AGO4: variants seen among roughly 807,000 people sequenced by gnomAD.
AGO4 encodes protein argonaute-4.
AGO4 carries 33 observed loss-of-function variants against 104.7 expected under a neutral mutation model. That is an observed-to-expected ratio of 0.32 (90% CI 0.24 to 0.42). The LOEUF is 0.42. Ranked by LOEUF, AGO4 falls within the 10% of genes least tolerant of loss-of-function variation. The pLI is 1.00. For missense variants in AGO4, 711 were observed against 1,083.4 expected, an observed-to-expected ratio of 0.66 and a Z score of 4.83; for synonymous variants, 331 against 364.7, an observed-to-expected ratio of 0.91 and a Z score of 1.05.
intron 15 of AGO4, among the ~76,000 whole-genome samples, chr1:35,849,141 C>G (rs911583256): frequency 3.2e-4 from 48 of 152,116 alleles, no homozygotes; most frequent in African/African-American, 1.1e-3. Flanking sequence ...TCTGAAGTTC[C>G]CCTCTTGCCT....
chr1:35,826,865 T>A, intron 7 of AGO4, 30 bp downstream of exon 7: 1 of 1,601,200 alleles, frequency 6.2e-7, no homozygotes, highest in East Asian at 2.2e-5. Context: ...AGTAATACAA[T>A]TACATTTTTA....
chr1:35,841,293 G>C lies in AGO4; in HGVS notation c.1853G>C (p.Cys618Ser). 1 of 1,614,180 alleles carries C rather than the reference G, an allele frequency of 6.2e-7. No homozygotes were observed. ...GSMDGHPSRY[C>S]ATVRVQTSRQ... ...ATGGATGGCCACCCCAGCCGGTACTGTGCCACCGTTCGGGTGCAGACTTCC... is the reference window on the plus strand; with the variant it reads ...ATGGATGGCCACCCCAGCCGGTACTCTGCCACCGTTCGGGTGCAGACTTCC... Residue 618 changes from cysteine (C) to serine (S), a missense_variant, in exon 14 of 18, where the codon TGT (cysteine) becomes TCT (serine). Transcript: ENST00000373210. This position sits in a 1 kb window ranked among gnomAD's most constrained non-coding sequence, Gnocchi z 4.7.
chr1:35,809,866 A>G (rs981510340), intron 1 of AGO4, among the ~76,000 whole-genome samples: 2 of 152,242 alleles, frequency 1.3e-5, no homozygotes, highest in African/African-American at 2.4e-5. Context: ...ACTAGTGCCT[A>G]TAGATGCTCA....
In AGO4 at chr1:35,808,434, C is replaced by T. The variant is rs1262645041; in HGVS notation, c.18C>T (p.Pro6=). ...CCGCCGCCATGGAGGCGCTGGGACC[C>T]GGTGAGGAGCGAGCTCGGGTCGGGG... MEALG[P]GPPASLFQPP... Residue 6 remains proline, a splice_region_variant and synonymous_variant, in exon 1 of 18, where the codon CCC becomes CCT. Coordinates refer to ENST00000373210, the MANE Select transcript of AGO4 (RefSeq NM_017629.4). The surrounding 1 kb of genome is among the most constrained non-coding windows in gnomAD (Gnocchi z 5.2). 27 of 1,174,926 alleles carry T rather than the reference C, an allele frequency of 2.3e-5. No individual in the cohort carries two copies. 72.8% of individuals were successfully genotyped at this position (1,174,926 alleles called of 1,614,324 possible). A position where few individuals can be genotyped will look rare whatever the true frequency, so the allele number is the denominator to read the frequency against.
At chr1:35,822,810 T>A (rs1643915647) in intron 2 of AGO4, 52 bp from the exon 3 acceptor site, 1 of 1,605,840 alleles carries the variant, frequency 6.2e-7, no homozygotes, top group Non-Finnish European at 8.5e-7. Flanking sequence ...ATGCTTTTCT[T>A]ACTGTTCACC....
chr1:35,850,022 C>T (rs1644662750), intron 15 of AGO4, 135 bp from the exon 16 acceptor site: 1 of 602,112 alleles, frequency 1.7e-6, no homozygotes, highest in African/African-American at 1.9e-5. Context: ...GAGGATTCAA[C>T]ATCTTGAATG....
At chr1:35,826,200 C>T (rs1644017347) in intron 6 of AGO4, 140 bp downstream of exon 6, 2 of 965,984 alleles carry the variant, frequency 2.1e-6, no homozygotes. Flanking sequence ...GTTCCTTAAC[C>T]ACTGTGAACC....
At chr1:35,845,960 T>C (rs1475124913) in intron 15 of AGO4, among the ~76,000 whole-genome samples, 1 of 152,160 alleles carries the variant, frequency 6.6e-6, no homozygotes, top group African/African-American at 2.4e-5. Flanking sequence ...AAAAGATACA[T>C]GACAAGCCAT....
intron 2 of AGO4, among the ~76,000 whole-genome samples, chr1:35,822,035 CCTGA>C (rs369518778): frequency 6.6e-6 from 1 of 151,966 alleles, no homozygotes; most frequent in Non-Finnish European, 1.5e-5. Flanking sequence ...TTACACCATG[CCTGA>C]CTAAGTTTTC....
chr1:35,812,002 G>T lies in AGO4; in HGVS notation c.19+3567G>T, dbSNP rs143100489. ...GGAAACCGAGATGCAGAGAGGCCAA[G>T]AAACTGGCCCAACGTCATGCAATTA... On this transcript the variant is annotated intron_variant, in intron 1 of 17. Transcript: ENST00000373210. Among the ~76,000 whole-genome samples, 383 of 152,212 alleles carry T rather than the reference G, an allele frequency of 2.5e-3. 4 individuals carry two copies. The highest frequency in any genetic ancestry group is 8.9e-3 in the African/African-American group (368 of 41,532).
Position 35,853,736 on chromosome 1 carries a change from C to T in AGO4, c.*131C>T. ...CTACCAGCAGCTCGGAATAGTTGCA[C>T]TGAATCTATACTTTGCAGCACTGTC... On this transcript the variant is annotated 3_prime_UTR_variant, in exon 18 of 18. Transcript: ENST00000373210. 1.4e-6 allele frequency: 1 copy of T among 704,208 alleles called. No homozygotes were observed. The highest frequency in any genetic ancestry group is 2.7e-5 in the East Asian group (1 of 36,412). 43.6% of individuals were successfully genotyped at this position (704,208 alleles called of 1,614,324 possible). A position where few individuals can be genotyped will look rare whatever the true frequency, so the allele number is the denominator to read the frequency against.
At chr1:35,814,677 C>T (rs1643633300) in intron 1 of AGO4, among the ~76,000 whole-genome samples, 1 of 152,058 alleles carries the variant, frequency 6.6e-6, no homozygotes, top group South Asian at 2.1e-4. Flanking sequence ...ATCCTCTAGT[C>T]TGGGAGAATC....
At chr1:35,850,616 C>T (rs980296784) in intron 16 of AGO4, among the ~76,000 whole-genome samples, 7 of 151,380 alleles carry the variant, frequency 4.6e-5, no homozygotes, top group South Asian at 4.2e-4. Context: ...CCCATCTCTA[C>T]TAAAAAAAAC....
At chr1:35,819,714 C>A in intron 2 of AGO4, among the ~76,000 whole-genome samples, 1 of 108,734 alleles carries the variant, frequency 9.2e-6, no homozygotes. Flanking sequence ...GCCTATTCGA[C>A]AGAGTGAGAC....
Position 35,825,301 on chromosome 1 carries a change from T to C in AGO4, c.307-12T>C, listed in dbSNP as rs112628788. The C allele has an allele frequency of 6.2e-7, 1 of 1,610,314 alleles. No individual in the cohort carries two copies. The highest frequency in any genetic ancestry group is 8.5e-7 in the Non-Finnish European group (1 of 1,177,610). On this transcript the variant is annotated splice_polypyrimidine_tract_variant and intron_variant, in intron 3 of 17. Transcript: ENST00000373210. ...AACATTTGTGTTTGTATTCATGTATTTTTTTCCTTAGGTTGATATGGAGGT... is the reference window on the plus strand; with the variant it reads ...AACATTTGTGTTTGTATTCATGTATCTTTTTCCTTAGGTTGATATGGAGGT...
intron 2 of AGO4, among the ~76,000 whole-genome samples, 173 bp from the exon 3 acceptor site, chr1:35,822,689 T>G (rs762044508): frequency 6.6e-6 from 1 of 152,230 alleles, no homozygotes; most frequent in African/African-American, 2.4e-5. Context: ...GTACACTTGT[T>G]GCTACCTTTC....
chr1:35,833,779 C>A (rs1012940350), intron 11 of AGO4, among the ~76,000 whole-genome samples: 2 of 152,160 alleles, frequency 1.3e-5, no homozygotes, highest in Admixed American at 1.3e-4. Context: ...AATACAGATT[C>A]TTTTCTGTTT....
chr1:35,839,229 G>C (rs775301302), intron 13 of AGO4, among the ~76,000 whole-genome samples: 2 of 151,902 alleles, frequency 1.3e-5, no homozygotes, highest in African/African-American at 4.8e-5. Context: ...CAATCCACCC[G>C]CTCAGCCTCC....
intron 15 of AGO4, among the ~76,000 whole-genome samples, chr1:35,843,438 A>G (rs1177143988): frequency 6.6e-6 from 1 of 152,130 alleles, no homozygotes; most frequent in Non-Finnish European, 1.5e-5. Flanking sequence ...AGCTTAGATT[A>G]AAAGGACTGT....
Sources: gnomAD v4.1 joint callset for allele counts (sites outside exome capture counted in the v4.1 genomes callset) on GRCh38, gnomAD v4.1.1 for gene constraint, Gnocchi (gnomAD v3.1) non-coding constraint, MANE v1.5 for transcripts, NCBI Gene and HGNC (gene_info 2026-07-23, HGNC 2026-07-21) for gene names.